The following PDE11A variants were observed in gnomAD, a reference collection of about 807,000 sequenced individuals.
The protein encoded by PDE11A is dual 3',5'-cyclic-AMP and -GMP phosphodiesterase 11A.
PDE11A carries 100 observed loss-of-function variants against 100.5 expected under a neutral mutation model. The ratio of observed to expected loss-of-function variants is 1.00; its 90% CI spans 0.85 to 1.18. The LOEUF (loss-of-function observed/expected upper bound fraction) is 1.18. PDE11A is among the 50% of genes most tolerant of loss of function. The pLI is 0.00. For missense variants in PDE11A, 1,141 were observed against 1,152.6 expected (o/e 0.99, Z 0.15); for synonymous variants, 381 against 420.8 (o/e 0.91, Z 1.16).
At chr2:177,949,918 C>G (rs1173156279) in intron 2 of PDE11A, among the ~76,000 whole-genome samples, 1 of 152,166 alleles carries the variant, frequency 6.6e-6, no homozygotes, top group Non-Finnish European at 1.5e-5. Context: ...GAATCTAGGT[C>G]TCCTTTATTT....
chr2:177,973,280 G>C (rs12994303), intron 2 of PDE11A, among the ~76,000 whole-genome samples: 3 of 125,920 alleles, frequency 2.4e-5, no homozygotes, highest in African/African-American at 9.4e-5. Context: ...CCTGGGAAGC[G>C]CAAGGGGTCA....
chr2:178,024,290 T>A (rs1021077139), intron 1 of PDE11A, among the ~76,000 whole-genome samples: 14 of 152,126 alleles, frequency 9.2e-5, no homozygotes, highest in African/African-American at 3.4e-4. Context: ...TGCACACCTG[T>A]AATCCCAGCT....
At chr2:178,042,471 C>CT (rs1334921322) in intron 1 of PDE11A, among the ~76,000 whole-genome samples, 1 of 64,046 alleles carries the variant, frequency 1.6e-5, no homozygotes, top group African/African-American at 4.7e-5. Context: ...GAGCAAGACT[C>CT]TGTCTCAAAA....
chr2:177,642,903 A>T (rs1486185281), intron 19 of PDE11A, among the ~76,000 whole-genome samples: 1 of 152,112 alleles, frequency 6.6e-6, no homozygotes, highest in Non-Finnish European at 1.5e-5. Flanking sequence ...GTCTCACGAG[A>T]TCTGATAGTT....
chr2:177,939,063 TG>T (rs1403762907), intron 2 of PDE11A, among the ~76,000 whole-genome samples: 2 of 152,206 alleles, frequency 1.3e-5, no homozygotes, highest in African/African-American at 2.4e-5. Context: ...ACATTTCTGT[TG>T]TTTAAGCCAT....
chr2:177,957,006 C>A (rs2085572864), intron 2 of PDE11A, among the ~76,000 whole-genome samples: 1 of 151,282 alleles, frequency 6.6e-6, no homozygotes, highest in Admixed American at 6.6e-5. Context: ...ACATATGTAA[C>A]AAACCTGCAC....
At chr2:177,666,904 AATTTATTTATTT>A (rs3056898) in intron 18 of PDE11A, among the ~76,000 whole-genome samples, 1 of 141,380 alleles carries the variant, frequency 7.1e-6, no homozygotes, top group African/African-American at 2.6e-5. Context: ...GATAAAGTTC[AATTTATTTATTT>A]ATTTATTTAT....
intron 2 of PDE11A, among the ~76,000 whole-genome samples, chr2:177,926,506 G>T (rs1009459746): frequency 1.3e-5 from 2 of 152,030 alleles, no homozygotes; most frequent in Admixed American, 6.6e-5. Context: ...ACTCAAATAA[G>T]CAAGTAAGAA....
intron 2 of PDE11A, among the ~76,000 whole-genome samples, chr2:177,937,439 T>G (rs143914633): frequency 0.012 from 1,770 of 148,612 alleles, 35 homozygotes; most frequent in African/African-American, 0.041. Flanking sequence ...TGCCTCAGCC[T>G]CCTAAGTAGT....
chr2:177,814,210 C>A (rs11884289), intron 9 of PDE11A, among the ~76,000 whole-genome samples: 61,740 of 151,742 alleles, frequency 0.41, 14,387 homozygotes, highest in African/African-American at 0.64. Context: ...ACATACTTTC[C>A]ATAGAAATAT....
Position 177,980,362 on chromosome 2 carries a change from C to G in PDE11A, c.1071+33940G>C, listed in dbSNP as rs1447001505. ...CGTAATTCTTTTTTAACTGCATCAA[C>G]CTGTGGCATTGTTATAAATTAAACT... On this transcript the variant is annotated intron_variant, in intron 2 of 19. Coordinates refer to ENST00000286063, the MANE Select transcript of PDE11A (RefSeq NM_016953.4). 1.3e-5 allele frequency among the ~76,000 whole-genome samples: 2 copies of G among 150,858 alleles called. 1 individual carries two copies. The highest frequency in any genetic ancestry group is 3.0e-5 in the Non-Finnish European group (2 of 67,326).
At chr2:177,786,731 C>T (rs1447613691) in intron 9 of PDE11A, among the ~76,000 whole-genome samples, 9 of 152,014 alleles carry the variant, frequency 5.9e-5, no homozygotes, top group South Asian at 2.1e-4. Context: ...TCAAGAACTA[C>T]GTGAAGAATG....
intron 2 of PDE11A, among the ~76,000 whole-genome samples, chr2:178,103,762 T>C (rs2087586918): frequency 6.6e-6 from 1 of 151,616 alleles, no homozygotes; most frequent in South Asian, 2.1e-4. Context: ...CTTAGACAGA[T>C]AGATAGATAG....
intron 15 of PDE11A, among the ~76,000 whole-genome samples, chr2:177,695,711 A>ACATTTCT (rs1574053007): frequency 6.6e-6 from 1 of 152,148 alleles, no homozygotes; most frequent in East Asian, 1.9e-4. Context: ...GAATAAGGGG[A>ACATTTCT]GTGACCTGGC....
chr2:177,664,782 G>C (rs1227026486), intron 18 of PDE11A, among the ~76,000 whole-genome samples: 1 of 151,970 alleles, frequency 6.6e-6, no homozygotes, highest in Admixed American at 6.6e-5. Flanking sequence ...TAGAAGACTG[G>C]GCTATCTAGT....
At chr2:177,982,413 A>G (rs1399047810) in intron 2 of PDE11A, among the ~76,000 whole-genome samples, 8 of 150,708 alleles carry the variant, frequency 5.3e-5, no homozygotes, top group Non-Finnish European at 1.2e-4. Flanking sequence ...TAACATTGCA[A>G]TCATGGGTAC....
At chr2:178,013,478 A>T (rs1180446936) in intron 2 of PDE11A, among the ~76,000 whole-genome samples, 1 of 152,212 alleles carries the variant, frequency 6.6e-6, no homozygotes, top group Non-Finnish European at 1.5e-5. Flanking sequence ...GTGCCAGAAC[A>T]TTTGCATTAA....
chr2:177,978,757 T>C (rs2085837284), intron 2 of PDE11A, among the ~76,000 whole-genome samples: 1 of 23,396 alleles, frequency 4.3e-5, no homozygotes, highest in Non-Finnish European at 7.6e-5. Context: ...TAAAAAATGA[T>C]GAGTTCATAT....
intron 6 of PDE11A, among the ~76,000 whole-genome samples, chr2:177,829,920 A>G (rs2083283710): frequency 2.0e-5 from 3 of 152,102 alleles, no homozygotes; most frequent in Admixed American, 2.0e-4. Flanking sequence ...GGCAAAGACG[A>G]TGGGATAATC....
Sources: gnomAD v4.1 joint callset for allele counts (sites outside exome capture counted in the v4.1 genomes callset) on GRCh38, gnomAD v4.1.1 for gene constraint, MANE v1.5 for transcripts, NCBI Gene and HGNC (gene_info 2026-07-23, HGNC 2026-07-21) for gene names.